OPCML: variants seen among roughly 807,000 people sequenced by gnomAD.
The protein encoded by OPCML is opioid binding protein/cell adhesion molecule like, also known as opioid-binding protein/cell adhesion molecule.
In OPCML, 13 loss-of-function variants were observed where a neutral mutation model predicts 37.8. The observed-to-expected ratio is 0.34, with a 90% confidence interval of 0.22 to 0.55. The LOEUF is 0.55. Among genes scored for constraint, OPCML ranks in the 20% least tolerant of loss-of-function variants. The pLI is 0.91. For missense variants in OPCML, 341 were observed against 435.6 expected (o/e 0.78, Z 1.93); for synonymous variants, 176 against 168.8 (o/e 1.04, Z -0.33).
At chr11:133,232,183 C>A (rs961823027) in intron 1 of OPCML, among the ~76,000 whole-genome samples, 14 of 152,062 alleles carry the variant, frequency 9.2e-5, no homozygotes, top group Non-Finnish European at 1.9e-4. Flanking sequence ...CAGTGGCTCC[C>A]CAGATGTCCT....
At chr11:132,732,189 A>G (rs1945100983) in intron 2 of OPCML, among the ~76,000 whole-genome samples, 1 of 152,202 alleles carries the variant, frequency 6.6e-6, no homozygotes, top group Non-Finnish European at 1.5e-5. Flanking sequence ...GAACAAGAAT[A>G]ATAAGGACCT....
At chr11:133,263,532 T>C (rs1384041834) in intron 1 of OPCML, among the ~76,000 whole-genome samples, 1 of 152,184 alleles carries the variant, frequency 6.6e-6, no homozygotes, top group Non-Finnish European at 1.5e-5. Flanking sequence ...TGTTTAAGTG[T>C]ACTCTATGGT....
intron 1 of OPCML, among the ~76,000 whole-genome samples, chr11:133,349,764 C>G (rs1178617481): frequency 6.6e-6 from 1 of 152,100 alleles, no homozygotes; most frequent in Non-Finnish European, 1.5e-5. Flanking sequence ...TTTCAGATCC[C>G]AGACGGAAAT....
chr11:132,958,268 C>A (rs56261700), intron 1 of OPCML, among the ~76,000 whole-genome samples: 2 of 152,124 alleles, frequency 1.3e-5, no homozygotes, highest in Non-Finnish European at 2.9e-5. Context: ...TAATCCAGAG[C>A]GAGGTTGTAA....
chr11:132,435,516 G>T (rs921329367), intron 7 of OPCML, among the ~76,000 whole-genome samples: 5 of 152,226 alleles, frequency 3.3e-5, no homozygotes, highest in African/African-American at 1.2e-4. Context: ...AGACATAGGG[G>T]CTTTAAAGGA....
At chr11:132,857,888 G>A (rs1942124599) in intron 2 of OPCML, among the ~76,000 whole-genome samples, 1 of 152,070 alleles carries the variant, frequency 6.6e-6, no homozygotes, top group South Asian at 2.1e-4. Flanking sequence ...CATGTAAAAA[G>A]GCCCCGAGAC....
At chr11:132,840,838 G>T (rs116033292) in intron 2 of OPCML, among the ~76,000 whole-genome samples, 555 of 152,092 alleles carry the variant, frequency 3.6e-3, no homozygotes, top group African/African-American at 0.013. Flanking sequence ...TGATGAGGCC[G>T]CTGAAAAAAA....
At chr11:133,422,428 C>T in intron 1 of OPCML, 2 of 965,608 alleles carry the variant, frequency 2.1e-6, no homozygotes, top group Non-Finnish European at 2.4e-6. Flanking sequence ...CTTGCCCCAC[C>T]TCTCTATCAT....
rs768871707 is a variant in OPCML at position 132,923,229 on chromosome 11, A to C, written c.146+19697T>G. On this transcript the variant is annotated intron_variant, in intron 2 of 7. Coordinates refer to ENST00000524381, the MANE Select transcript of OPCML (RefSeq NM_001012393.5). The stretch of plus-strand genomic sequence containing the variant: ...CTCTGGTAAACAGAAAACACTAAAA[A>C]GGTCAGACACATTTTTTTCCAAAAA... Among the ~76,000 whole-genome samples the C allele has an allele frequency of 9.2e-5, 14 of 151,980 alleles. 1 individual carries two copies. Among genetic ancestry groups the C allele is most frequent in the South Asian group, 4.2e-4 (2 of 4,770 alleles).
At chr11:132,977,448 T>C (rs1468374518) in intron 1 of OPCML, among the ~76,000 whole-genome samples, 1 of 152,332 alleles carries the variant, frequency 6.6e-6, no homozygotes, top group South Asian at 2.1e-4. Context: ...ATTTAGCTCA[T>C]AGATAGCTAT....
At chr11:133,094,688 A>C (rs1380435678) in intron 1 of OPCML, among the ~76,000 whole-genome samples, 1 of 152,156 alleles carries the variant, frequency 6.6e-6, no homozygotes, top group East Asian at 1.9e-4. Flanking sequence ...ATAGCAAGAG[A>C]GAGAAAAGCA....
intron 3 of OPCML, among the ~76,000 whole-genome samples, chr11:132,651,814 C>A (rs934671841): frequency 1.3e-5 from 2 of 152,134 alleles, no homozygotes; most frequent in African/African-American, 4.8e-5. Flanking sequence ...TGCTGTGGAG[C>A]CTCCTATGTA....
At chr11:132,630,361 C>A (rs866442162) in intron 3 of OPCML, among the ~76,000 whole-genome samples, 13 of 152,248 alleles carry the variant, frequency 8.5e-5, no homozygotes, top group South Asian at 8.3e-4. Context: ...AGATTGAGAC[C>A]ATCCTGGCCA....
chr11:133,343,431 A>G (rs537017588), intron 1 of OPCML, among the ~76,000 whole-genome samples: 1 of 152,228 alleles, frequency 6.6e-6, no homozygotes, highest in Non-Finnish European at 1.5e-5. Flanking sequence ...TAACCTTATC[A>G]GGCAACATGG....
At chr11:133,331,418 G>A (rs1359460427) in intron 1 of OPCML, among the ~76,000 whole-genome samples, 1 of 152,074 alleles carries the variant, frequency 6.6e-6, no homozygotes, top group African/African-American at 2.4e-5. Context: ...ACCACAGGGG[G>A]ATCAGAGCCA....
At chr11:132,953,184 A>G (rs974923234) in intron 1 of OPCML, among the ~76,000 whole-genome samples, 1 of 152,044 alleles carries the variant, frequency 6.6e-6, no homozygotes, top group Non-Finnish European at 1.5e-5. Context: ...CCGAGAACAG[A>G]GTTTTTATTT....
intron 3 of OPCML, among the ~76,000 whole-genome samples, chr11:132,550,932 G>T (rs529657582): frequency 6.6e-6 from 1 of 152,296 alleles, no homozygotes; most frequent in Admixed American, 6.5e-5. Context: ...TTAGACTTTG[G>T]ATGGGAAGGA....
chr11:133,370,018 A>G (rs1944637838), intron 1 of OPCML, among the ~76,000 whole-genome samples: 1 of 152,206 alleles, frequency 6.6e-6, no homozygotes, highest in South Asian at 2.1e-4. Context: ...AGATAAATTT[A>G]TACAATATTA....
At chr11:133,043,208 C>A (rs1947941451) in intron 1 of OPCML, among the ~76,000 whole-genome samples, 1 of 152,092 alleles carries the variant, frequency 6.6e-6, no homozygotes, top group South Asian at 2.1e-4. Context: ...CAGAGAGAGC[C>A]CAGCTGGGAT....
Sources: gnomAD v4.1 joint callset for allele counts (sites outside exome capture counted in the v4.1 genomes callset) on GRCh38, gnomAD v4.1.1 for gene constraint, MANE v1.5 for transcripts, NCBI Gene and HGNC (gene_info 2026-07-23, HGNC 2026-07-21) for gene names.